MAGEC3: variants seen among roughly 807,000 people sequenced by gnomAD.
MAGEC3 encodes melanoma-associated antigen C3.
A neutral mutation model predicts 35.3 loss-of-function variants in MAGEC3; 34 were observed. The observed-to-expected ratio is 0.96, with a 90% CI of 0.73 to 1.28. The LOEUF (loss-of-function observed/expected upper bound fraction) is 1.28, where lower values mean the gene tolerates loss of function less well. Among genes scored for constraint, MAGEC3 ranks in the 50% most tolerant of loss-of-function variants. MAGEC3 has a pLI of 0.00. For synonymous variants in MAGEC3, 202 were observed against 185.6 expected (o/e 1.09, Z -0.72); for missense variants, 561 against 483.6 (o/e 1.16, Z -1.50).
Position 141,879,368 on chromosome X carries a change from G to A in MAGEC3, c.452G>A (p.Gly151Asp). The change falls in exon 3 of 8, where the codon GGC (glycine) becomes GAC (aspartate). Residue 151 changes from glycine (G) to aspartate (D), a missense_variant. Transcript: ENST00000298296. ...SDLPTWRRGTGYTLSLPAVSP... is the reference protein window; with the variant it reads ...SDLPTWRRGTDYTLSLPAVSP... ...CTTCCAACATGGAGGAGAGGCACAG[G>A]CTACACCCTTTCCCTTCCTGCCGTC... 2.5e-6 allele frequency: 3 copies of A among 1,195,606 alleles called. No homozygotes were observed. Among genetic ancestry groups the A allele is most frequent in the South Asian group, 1.8e-5 (1 of 54,467 alleles).
chrX:141,878,534 G>T (rs1208920156), intron 2 of MAGEC3, among the ~76,000 whole-genome samples: 2 of 111,238 alleles, frequency 1.8e-5, no homozygotes, highest in Non-Finnish European at 3.8e-5. Context: ...CTGGGGCATG[G>T]TGGCCCACTG....
At chrX:141,860,717 A>G (rs1484786516) in intron 1 of MAGEC3, among the ~76,000 whole-genome samples, 1 of 112,442 alleles carries the variant, frequency 8.9e-6, no homozygotes, top group East Asian at 2.8e-4. Context: ...ATACTTTATA[A>G]TCCTACTTAT....
Position 141,884,508 on chromosome X carries a change from C to G in MAGEC3, c.909+2712C>G, listed in dbSNP as rs1490931275. Among the ~76,000 whole-genome samples the G allele has an allele frequency of 2.7e-5, 3 of 111,139 alleles. No homozygotes were observed. In the East Asian group the frequency reaches 8.6e-4, roughly 32 times the overall value. On this transcript the variant is annotated intron_variant, in intron 4 of 7. Transcript: ENST00000298296. ...CCTCTATCCTATTAGTTCTGTCCCT[C>G]TAGAGAACCCTGAGTAATACAGATT...
At chrX:141,867,912 G>A (rs2017860415) in intron 2 of MAGEC3, among the ~76,000 whole-genome samples, 2 of 111,969 alleles carry the variant, frequency 1.8e-5, no homozygotes, top group Admixed American at 1.9e-4. Flanking sequence ...CATGAGGTCA[G>A]GAGATCCAGA....
At chrX:141,838,847 C>T (rs1439548395) in intron 1 of MAGEC3, 61 of 751,356 alleles carry the variant, frequency 8.1e-5, no homozygotes, top group Non-Finnish European at 9.1e-5. Context: ...GGCAGCAGTT[C>T]GTGCTTCTCT....
intron 4 of MAGEC3, among the ~76,000 whole-genome samples, chrX:141,889,672 C>T (rs906410255): frequency 9.0e-5 from 10 of 111,389 alleles, no homozygotes; most frequent in Non-Finnish European, 1.9e-5. Flanking sequence ...ATTACCATGC[C>T]CTGTGATTAA....
intron 1 of MAGEC3, chrX:141,838,919 C>A: frequency 2.9e-6 from 2 of 697,194 alleles, no homozygotes; most frequent in Non-Finnish European, 3.4e-6. Flanking sequence ...GGGCAGGGCT[C>A]TAAAATGGTA....
chrX:141,851,966 T>A (rs929439716), intron 1 of MAGEC3, among the ~76,000 whole-genome samples: 6 of 110,955 alleles, frequency 5.4e-5, no homozygotes, highest in Non-Finnish European at 1.9e-5. Flanking sequence ...CTTATTCATT[T>A]CTGCAAAAAT....
chrX:141,872,653 G>C (rs1454948012), intron 2 of MAGEC3, among the ~76,000 whole-genome samples: 1 of 110,920 alleles, frequency 9.0e-6, no homozygotes, highest in Non-Finnish European at 1.9e-5. Context: ...TTGGTAAAGG[G>C]CCTCCTAGAC....
chrX:141,879,532 G>A, intron 3 of MAGEC3, 101 bp downstream of exon 3: 1 of 998,005 alleles, frequency 1.0e-6, no homozygotes, highest in East Asian at 3.4e-5. Context: ...GGGGAGGTAG[G>A]CAGGAAGGGG....
At chrX:141,876,899 C>T (rs750159187) in intron 2 of MAGEC3, among the ~76,000 whole-genome samples, 3 of 112,325 alleles carry the variant, frequency 2.7e-5, no homozygotes, top group East Asian at 2.8e-4. Context: ...TTCCTTTGGT[C>T]TATCTGTCAA....
chrX:141,847,205 G>A (rs2017722509), intron 1 of MAGEC3, among the ~76,000 whole-genome samples: 1 of 110,817 alleles, frequency 9.0e-6, no homozygotes. Context: ...TGAGGCTGTT[G>A]CATGAGAGGA....
chrX:141,896,685 C>A (rs748435108), intron 6 of MAGEC3, 197 bp from the exon 7 acceptor site: 22 of 1,209,679 alleles, frequency 1.8e-5, no homozygotes, highest in Non-Finnish European at 2.5e-5. Context: ...CACGCCTCAG[C>A]TTTGAGGAAG....
intron 6 of MAGEC3, 56 bp downstream of exon 6, chrX:141,895,615 C>T: frequency 1.8e-6 from 2 of 1,095,346 alleles, no homozygotes; most frequent in Non-Finnish European, 1.2e-6. Flanking sequence ...GGGGGAACCC[C>T]CACCTCAGAG....
intron 1 of MAGEC3, among the ~76,000 whole-genome samples, chrX:141,847,354 G>A (rs1230308392): frequency 2.7e-5 from 3 of 111,080 alleles, no homozygotes; most frequent in Non-Finnish European, 5.7e-5. Context: ...CACATAATCT[G>A]AAATAACCAA....
chrX:141,840,020 C>G (rs2017676818), intron 1 of MAGEC3: 2 of 750,775 alleles, frequency 2.7e-6, no homozygotes, highest in Admixed American at 8.8e-5. Flanking sequence ...ATTCACTTTC[C>G]AAAAATTTGC....
At chrX:141,857,907 C>T (rs929619439) in intron 1 of MAGEC3, among the ~76,000 whole-genome samples, 2 of 111,199 alleles carry the variant, frequency 1.8e-5, no homozygotes, top group Admixed American at 9.6e-5. Context: ...GTATTTTGAG[C>T]ACCTCGAACA....
At chrX:141,878,494 C>T (rs1175472670) in intron 2 of MAGEC3, among the ~76,000 whole-genome samples, 1 of 112,797 alleles carries the variant, frequency 8.9e-6, no homozygotes, top group Non-Finnish European at 1.9e-5. Flanking sequence ...CAGAATCCAG[C>T]TCCACTGCTG....
intron 2 of MAGEC3, among the ~76,000 whole-genome samples, chrX:141,878,650 T>A (rs2017935858): frequency 9.0e-6 from 1 of 111,437 alleles, no homozygotes; most frequent in Admixed American, 9.4e-5. Context: ...CTTCCAGGCA[T>A]CCCCAGGATG....
Sources: gnomAD v4.1 joint callset for allele counts (sites outside exome capture counted in the v4.1 genomes callset) on GRCh38, gnomAD v4.1.1 for gene constraint, MANE v1.5 for transcripts, NCBI Gene and HGNC (gene_info 2026-07-23, HGNC 2026-07-21) for gene names.